The following PISD variants were observed in gnomAD, a reference collection of about 807,000 sequenced individuals.
PISD encodes phosphatidylserine decarboxylase, also known as phosphatidylserine decarboxylase proenzyme, mitochondrial.
PISD carries 31 observed loss-of-function variants against 43.5 expected under a neutral mutation model. The ratio of observed to expected loss-of-function variants is 0.71; its 90% CI spans 0.54 to 0.96. The LOEUF (loss-of-function observed/expected upper bound fraction) is 0.96. Ranked by LOEUF, PISD falls within the 40% of genes least tolerant of loss-of-function variation. PISD has a pLI of 0.00. For missense variants in PISD, 523 were observed against 548.4 expected (o/e 0.95, Z 0.46); for synonymous variants, 259 against 228.7 (o/e 1.13, Z -1.20).
At position 31,642,829 on chromosome 22, in the gene PISD, G is replaced by A. The variant is rs549402220; in HGVS notation, c.321+5272C>T. Among the ~76,000 whole-genome samples, 63 of 150,406 alleles carry A rather than the reference G, an allele frequency of 4.2e-4. 2 individuals are homozygous for A. Among genetic ancestry groups the A allele is most frequent in the African/African-American group, 1.3e-3 (53 of 40,484 alleles). ...AAAAAAGAAAGAAAAAAAGCCGGGC[G>A]TGGTGGCTCACACCTGTAATCCCAG... On this transcript the variant is annotated intron_variant, in intron 3 of 7. Coordinates refer to ENST00000439502, the MANE Select transcript of PISD (RefSeq NM_001326411.2).
intron 3 of PISD, chr22:31,623,649 G>T (rs2072706021): frequency 6.3e-7 from 1 of 1,589,556 alleles, no homozygotes; most frequent in South Asian, 1.1e-5. Context: ...TGCCCGGAAG[G>T]GAGGTCCGAG....
intron 3 of PISD, among the ~76,000 whole-genome samples, chr22:31,640,582 T>G (rs1163633134): frequency 1.5e-5 from 2 of 135,590 alleles, no homozygotes; most frequent in Non-Finnish European, 3.2e-5. Flanking sequence ...GTTGTTTTTT[T>G]TTTTTTTTTT....
At chr22:31,641,929 A>G (rs2073742624) in intron 3 of PISD, among the ~76,000 whole-genome samples, 2 of 151,260 alleles carry the variant, frequency 1.3e-5, no homozygotes, top group Admixed American at 6.6e-5. Flanking sequence ...TAAGGGGGAA[A>G]CACTCCGATT....
chr22:31,640,913 G>GTTT (rs2073702177), intron 3 of PISD, among the ~76,000 whole-genome samples: 1 of 9,782 alleles, frequency 1.0e-4, no homozygotes, highest in Non-Finnish European at 2.1e-4. Flanking sequence ...TTGAGATGGA[G>GTTT]TTTCACTCTT....
Position 31,630,164 on chromosome 22 carries a change from C to A in PISD, c.322-8279G>T, listed in dbSNP as rs114856294. Among the ~76,000 whole-genome samples, 1,292 of 152,122 alleles carry A rather than the reference C, an allele frequency of 8.5e-3. 19 individuals carry two copies. Among genetic ancestry groups the A allele is most frequent in the African/African-American group, 0.03 (1,240 of 41,490 alleles). Reference sequence around the variant, plus strand: ...ATGGTCCTCCCTGGGCGACATGGACCAGAGTCAGTGGCAGGCAGCCCAGGA... The same window carrying A: ...ATGGTCCTCCCTGGGCGACATGGACAAGAGTCAGTGGCAGGCAGCCCAGGA... On this transcript the variant is annotated intron_variant, in intron 3 of 7. Coordinates refer to ENST00000439502, the MANE Select transcript of PISD (RefSeq NM_001326411.2). The surrounding 1 kb of genome is among the most constrained non-coding windows in gnomAD (Gnocchi z 4.4).
At position 31,653,120 on chromosome 22, in the gene PISD, AG is replaced by A. The variant is rs201381370; in HGVS notation, c.66-2343del. ...AACATGATGAATCTGATTCTCCTATAGGCAAACAAGGAGAAAAAGCATCTTA... is the reference window on the plus strand; with the variant it reads ...AACATGATGAATCTGATTCTCCTATAGCAAACAAGGAGAAAAAGCATCTTA... On this transcript the variant is annotated intron_variant, in intron 1 of 7. Transcript: ENST00000439502. Among the ~76,000 whole-genome samples the A allele has an allele frequency of 5.7e-3, 859 of 151,862 alleles. 6 individuals are homozygous for A. The highest frequency in any genetic ancestry group is 0.018 in the African/African-American group (761 of 41,412).
chr22:31,632,885 A>G (rs2073268763), intron 3 of PISD, among the ~76,000 whole-genome samples: 1 of 152,230 alleles, frequency 6.6e-6, no homozygotes, highest in Non-Finnish European at 1.5e-5. Context: ...ATAGGAACTT[A>G]ATTCTTGCTT....
intron 1 of PISD, among the ~76,000 whole-genome samples, chr22:31,660,226 C>T (rs2074280413): frequency 6.6e-6 from 1 of 152,114 alleles, no homozygotes; most frequent in Non-Finnish European, 1.5e-5. Context: ...TCTTATTGTA[C>T]CCAAATCTTC....
At chr22:31,643,027 G>A (rs554986370) in intron 3 of PISD, among the ~76,000 whole-genome samples, 7 of 151,532 alleles carry the variant, frequency 4.6e-5, no homozygotes, top group South Asian at 2.1e-4. Context: ...GCTTGAACCC[G>A]GGAGGCGGAA....
At chr22:31,632,940 C>T (rs2073271262) in intron 3 of PISD, among the ~76,000 whole-genome samples, 1 of 152,090 alleles carries the variant, frequency 6.6e-6, no homozygotes, top group Non-Finnish European at 1.5e-5. Context: ...CTATGTTTTG[C>T]TTAAAGGTGA....
chr22:31,656,864 C>G (rs56211407), intron 1 of PISD, among the ~76,000 whole-genome samples: 1 of 151,996 alleles, frequency 6.6e-6, no homozygotes, highest in Non-Finnish European at 1.5e-5. Flanking sequence ...GTGGCTCACT[C>G]CCACATCATT....
chr22:31,637,204 T>TATATATAC (rs1267117734), intron 3 of PISD, among the ~76,000 whole-genome samples: 5 of 95,798 alleles, frequency 5.2e-5, no homozygotes, highest in African/African-American at 2.2e-4. Context: ...TATATATATA[T>TATATATAC]ATAGAAAAAT....
chr22:31,644,125 C>G lies in PISD; in HGVS notation c.321+3976G>C, dbSNP rs901872760. Among the ~76,000 whole-genome samples, 6 of 152,182 alleles carry G rather than the reference C, an allele frequency of 3.9e-5. No individual in the cohort carries two copies. The East Asian group carries it at 7.7e-4, about 20-fold the overall frequency. On this transcript the variant is annotated intron_variant, in intron 3 of 7. Coordinates refer to ENST00000439502, the MANE Select transcript of PISD (RefSeq NM_001326411.2). Reference sequence around the variant, plus strand: ...AGGTAGGGCTCATCTGCCTTTGGTTCTTCAAGCTGGCTTATCATCAGAATC... The same window carrying G: ...AGGTAGGGCTCATCTGCCTTTGGTTGTTCAAGCTGGCTTATCATCAGAATC...
chr22:31,632,327 G>A (rs770032074), intron 3 of PISD: 100 of 800,884 alleles, frequency 1.2e-4, no homozygotes, highest in Non-Finnish European at 1.5e-4. Flanking sequence ...AGGCAGGGGT[G>A]AACAAGGCAC....
chr22:31,625,678 T>C (rs938818499), intron 3 of PISD: 1 of 1,517,322 alleles, frequency 6.6e-7, no homozygotes. Flanking sequence ...CCACCTCTAC[T>C]GCGAGGCCGC....
rs1266503166 is a variant in PISD, at chr22:31,621,465, G to A, written c.566C>T (p.Pro189Leu). 6.2e-7 allele frequency: 1 copy of A among 1,614,096 alleles called. No homozygotes were observed. Among genetic ancestry groups the A allele is most frequent in the Non-Finnish European group, 8.5e-7 (1 of 1,180,022 alleles). ...PVCGLHSVIS[P>L]SDGRILNFGQ... is the part of the protein sequence containing the mutation. Reference sequence around the variant, plus strand: ...AAAGTTGAGGATCCTTCCATCCGATGGGCTAATCTGGAAGGGCAGGAGAGG... The same window carrying A: ...AAAGTTGAGGATCCTTCCATCCGATAGGCTAATCTGGAAGGGCAGGAGAGG... The change falls in exon 5 of 8, where the codon CCA (proline) becomes CTA (leucine). Residue 189 changes from proline to leucine, a missense_variant. Transcript: ENST00000439502.
chr22:31,624,717 ACAC>A (rs2072788275), intron 3 of PISD, among the ~76,000 whole-genome samples: 2 of 60,474 alleles, frequency 3.3e-5, no homozygotes, highest in African/African-American at 1.5e-4. Flanking sequence ...AGGTGGACAC[ACAC>A]ACACACACAC....
Position 31,619,572 on chromosome 22 carries a change from T to G in PISD, c.*40A>C, listed in dbSNP as rs1395641976. The G allele has an allele frequency of 6.5e-7, 1 of 1,549,512 alleles. No individual in the cohort carries two copies. The highest frequency in any genetic ancestry group is 1.4e-5 in the African/African-American group (1 of 73,692). ...CTCTTGAAAAGACCCTCACTCTGTT[T>G]GGAAAAGATCCCTTAGCAGCCATAA... On this transcript the variant is annotated 3_prime_UTR_variant, in exon 8 of 8. Transcript: ENST00000439502.
chr22:31,654,275 C>T (rs1310482383), intron 1 of PISD, among the ~76,000 whole-genome samples: 1 of 152,166 alleles, frequency 6.6e-6, no homozygotes, highest in African/African-American at 2.4e-5. Context: ...TCCTATTTCT[C>T]TGGTTTCTTC....
Sources: gnomAD v4.1 joint callset for allele counts (sites outside exome capture counted in the v4.1 genomes callset) on GRCh38, gnomAD v4.1.1 for gene constraint, Gnocchi (gnomAD v3.1) non-coding constraint, MANE v1.5 for transcripts, NCBI Gene and HGNC (gene_info 2026-07-23, HGNC 2026-07-21) for gene names.